GRID2: variants seen among roughly 807,000 people sequenced by gnomAD.
GRID2 encodes the protein glutamate ionotropic receptor delta type subunit 2.
Under a neutral mutation model 114.8 loss-of-function variants are expected in GRID2, and 33 were observed. The ratio of observed to expected loss-of-function variants is 0.29; its 90% confidence interval spans 0.22 to 0.38. GRID2 has a LOEUF of 0.38. Ranked by LOEUF, GRID2 falls within the 10% of genes least tolerant of loss-of-function variation. GRID2 has a pLI of 1.00. For synonymous variants in GRID2, 505 were observed against 449.9 expected (o/e 1.12, Z -1.55); for missense variants, 1,184 against 1,257.7 (o/e 0.94, Z 0.89).
At chr4:93,327,533 T>C (rs1757967674) in intron 8 of GRID2, among the ~76,000 whole-genome samples, 1 of 152,136 alleles carries the variant, frequency 6.6e-6, no homozygotes. Flanking sequence ...CTATTGTATA[T>C]ATATACAATG....
intron 13 of GRID2, among the ~76,000 whole-genome samples, chr4:93,577,705 G>A (rs1314625991): frequency 6.6e-6 from 1 of 152,158 alleles, no homozygotes; most frequent in Admixed American, 6.5e-5. Flanking sequence ...TGAACCAAAT[G>A]TTTCCCTCAA....
chr4:92,428,619 G>A (rs1732278055), intron 1 of GRID2, among the ~76,000 whole-genome samples: 3 of 152,002 alleles, frequency 2.0e-5, no homozygotes, highest in Admixed American at 1.3e-4. Flanking sequence ...TAACTATTAT[G>A]TTTTTTGCTA....
chr4:92,979,385 A>G (rs1249473986), intron 2 of GRID2, among the ~76,000 whole-genome samples: 2 of 151,906 alleles, frequency 1.3e-5, no homozygotes, highest in African/African-American at 4.8e-5. Flanking sequence ...ACTGTTCTAT[A>G]CTTTTGATAC....
At chr4:93,300,232 A>C (rs1050598998) in intron 8 of GRID2, among the ~76,000 whole-genome samples, 2 of 152,092 alleles carry the variant, frequency 1.3e-5, no homozygotes, top group Non-Finnish European at 2.9e-5. Flanking sequence ...AGGTACTCCC[A>C]TGCCTGGCAT....
chr4:93,453,338 G>GAGAA (rs1553932523), intron 10 of GRID2, among the ~76,000 whole-genome samples: 1,880 of 150,814 alleles, frequency 0.012, 47 homozygotes, highest in African/African-American at 0.042. Flanking sequence ...GAGAGAGAGA[G>GAGAA]AGAGAGAGAG....
At chr4:92,721,479 ATATAT>A (rs569081366) in intron 2 of GRID2, among the ~76,000 whole-genome samples, 25 of 152,248 alleles carry the variant, frequency 1.6e-4, no homozygotes, top group African/African-American at 5.3e-4. Flanking sequence ...AGGGAAAATA[ATATAT>A]TATTCTAAAT....
intron 2 of GRID2, among the ~76,000 whole-genome samples, chr4:92,663,971 T>A (rs2149271033): frequency 6.6e-6 from 1 of 151,328 alleles, no homozygotes; most frequent in South Asian, 2.1e-4. Context: ...TATGTCAGAA[T>A]ATTTCCTCTA....
intron 14 of GRID2, among the ~76,000 whole-genome samples, chr4:93,767,624 C>T (rs758699426): frequency 5.3e-5 from 8 of 152,054 alleles, no homozygotes; most frequent in Non-Finnish European, 1.0e-4. Flanking sequence ...CAACCCTCTA[C>T]CAGAGCCTTA....
intron 1 of GRID2, among the ~76,000 whole-genome samples, chr4:92,431,880 T>G (rs910371432): frequency 2.0e-5 from 3 of 152,242 alleles, no homozygotes; most frequent in Admixed American, 6.5e-5. Flanking sequence ...GGAAAAGGCT[T>G]TCCAAATAGT....
chr4:92,954,848 G>C (rs376364607), intron 2 of GRID2, among the ~76,000 whole-genome samples: 1,985 of 140,720 alleles, frequency 0.014, 14 homozygotes, highest in East Asian at 0.049. Flanking sequence ...TCCCACCTAT[G>C]AGTGAGAATA....
At chr4:93,123,879 T>C (rs1734017637) in intron 4 of GRID2, among the ~76,000 whole-genome samples, 3 of 150,034 alleles carry the variant, frequency 2.0e-5, no homozygotes, top group Admixed American at 1.3e-4. Flanking sequence ...TAAATTTTTA[T>C]TGAGTTTTCC....
At position 93,771,989 on chromosome 4, in the gene GRID2, A is replaced by G. The variant is rs1259358502; in HGVS notation, c.2602-87A>G. On this transcript the variant is annotated intron_variant, in intron 15 of 15. Coordinates refer to ENST00000282020, the MANE Select transcript of GRID2 (RefSeq NM_001510.4). The stretch of plus-strand genomic sequence containing the variant: ...ATGAATAAACCCCAAAGTTCAGTTA[A>G]TTACATGTTTGCTGAACTACTTTTT... 6.6e-6 allele frequency: 5 copies of G among 760,326 alleles called. No homozygotes were observed. The East Asian group carries it at 1.2e-4, about 19-fold the overall frequency. 47.1% of individuals were successfully genotyped at this position (760,326 alleles called of 1,614,324 possible). A position where few individuals can be genotyped will look rare whatever the true frequency, so the allele number is the denominator to read the frequency against.
intron 14 of GRID2, among the ~76,000 whole-genome samples, chr4:93,633,624 A>C (rs1721146038): frequency 6.6e-6 from 1 of 152,100 alleles, no homozygotes; most frequent in Non-Finnish European, 1.5e-5. Context: ...TAATTTCTAA[A>C]GTCTTCCTTC....
At chr4:93,114,832 G>C (rs997234245) in intron 4 of GRID2, among the ~76,000 whole-genome samples, 1 of 152,176 alleles carries the variant, frequency 6.6e-6, no homozygotes, top group Non-Finnish European at 1.5e-5. Flanking sequence ...AATTATTTCT[G>C]TGTGACCTAG....
At chr4:92,643,903 A>G (rs1731484672) in intron 2 of GRID2, among the ~76,000 whole-genome samples, 1 of 151,960 alleles carries the variant, frequency 6.6e-6, no homozygotes, top group South Asian at 2.1e-4. Flanking sequence ...TTCAATTGCA[A>G]AGTGTAATTT....
rs759811681 is a variant in GRID2 at position 93,216,879 on chromosome 4, G to A, written c.931G>A (p.Asp311Asn). 1 of 1,612,516 alleles carries A rather than the reference G, an allele frequency of 6.2e-7. No homozygotes were observed. Among genetic ancestry groups the A allele is most frequent in the South Asian group, 1.1e-5 (1 of 91,042 alleles). ...GNHRISSTLC[D>N]PKDPFAQNME... ...CCATCGAATATCTTCAACATTGTGT[G>A]ATCCAAAGGATCCATTTGCTCAGAA... Residue 311 changes from aspartate (D) to asparagine (N), a missense_variant, in exon 6 of 16, where the codon GAT becomes AAT. This residue lies in a region of GRID2 where 455 missense variants were observed against 429.5 expected (regional missense o/e 1.06). Coordinates refer to ENST00000282020, the MANE Select transcript of GRID2 (RefSeq NM_001510.4).
At chr4:93,601,211 G>A (rs995921571) in intron 13 of GRID2, among the ~76,000 whole-genome samples, 2 of 152,148 alleles carry the variant, frequency 1.3e-5, no homozygotes, top group African/African-American at 4.8e-5. Flanking sequence ...ATTAAATATA[G>A]CATGATTATG....
intron 8 of GRID2, among the ~76,000 whole-genome samples, chr4:93,292,950 A>G (rs184864871): frequency 6.6e-6 from 1 of 152,154 alleles, no homozygotes; most frequent in Admixed American, 6.5e-5. Flanking sequence ...TCCATATGCT[A>G]TTCAGTAATG....
rs1744951220 is a variant in GRID2, at chr4:92,867,429, C to T, written c.245-217566C>T. Among the ~76,000 whole-genome samples, 5 of 151,964 alleles carry T rather than the reference C, an allele frequency of 3.3e-5. No homozygotes were observed. The South Asian group carries it at 1.0e-3, about 32-fold the overall frequency. ...GCTGCCACATCTAATGGCGATACCA[C>T]AATTCTAATCAGAGAAGACAGTGCA... On this transcript the variant is annotated intron_variant, in intron 2 of 15. Transcript: ENST00000282020.
Sources: gnomAD v4.1 joint callset for allele counts (sites outside exome capture counted in the v4.1 genomes callset) on GRCh38, gnomAD v4.1.1 for gene constraint, gnomAD v4.1.1 regional missense constraint, MANE v1.5 for transcripts, NCBI Gene and HGNC (gene_info 2026-07-23, HGNC 2026-07-21) for gene names.